Variants in WDPCP observed in about 807,000 individuals in gnomAD.
The protein encoded by WDPCP is WD repeat containing planar cell polarity effector, also known as WD repeat-containing and planar cell polarity effector protein fritz homolog.
In WDPCP, 71 loss-of-function variants were observed where a neutral mutation model predicts 93.1. The ratio of observed to expected loss-of-function variants is 0.76; its 90% CI spans 0.63 to 0.93. WDPCP has a LOEUF of 0.93. Ranked by LOEUF, WDPCP falls within the 40% of genes least tolerant of loss-of-function variation. WDPCP has a pLI of 0.00. For synonymous variants in WDPCP, 315 were observed against 315.0 expected, an observed-to-expected ratio of 1.00 and a Z score of 0.00; for missense variants, 844 against 887.4, an observed-to-expected ratio of 0.95 and a Z score of 0.62.
At chr2:63,715,600 G>C (rs886511135) in intron 2 of WDPCP, among the ~76,000 whole-genome samples, 3 of 152,152 alleles carry the variant, frequency 2.0e-5, no homozygotes, top group African/African-American at 7.2e-5. Flanking sequence ...CAGAGCTTGA[G>C]ATTAAATTTT....
chr2:63,677,328 C>A (rs751727544), intron 2 of WDPCP, among the ~76,000 whole-genome samples: 11 of 152,114 alleles, frequency 7.2e-5, no homozygotes, highest in Non-Finnish European at 1.0e-4. Flanking sequence ...TACATCAAGA[C>A]AAGACTTCAT....
chr2:63,285,715 T>C (rs1039339306), intron 13 of WDPCP, among the ~76,000 whole-genome samples: 1 of 152,288 alleles, frequency 6.6e-6, no homozygotes, highest in East Asian at 1.9e-4. Context: ...TGATGCAAAC[T>C]CTGAAAGAGC....
At chr2:63,537,308 G>A (rs150801537) in intron 1 of WDPCP, among the ~76,000 whole-genome samples, 85 of 152,282 alleles carry the variant, frequency 5.6e-4, no homozygotes, top group African/African-American at 1.9e-3. Context: ...AGTTTATGCT[G>A]ATAATGCCTC....
chr2:63,418,264 A>G (rs1458302447), intron 9 of WDPCP, among the ~76,000 whole-genome samples: 1 of 152,222 alleles, frequency 6.6e-6, no homozygotes, highest in East Asian at 1.9e-4. Context: ...AGGTTGAATT[A>G]CTAGTCAAGA....
intron 2 of WDPCP, among the ~76,000 whole-genome samples, chr2:63,805,268 ATCTCAT>A (rs1670748690): frequency 6.6e-6 from 1 of 152,190 alleles, no homozygotes; most frequent in Non-Finnish European, 1.5e-5. Flanking sequence ...CACCCACTTA[ATCTCAT>A]TTAAGATCAT....
intron 12 of WDPCP, among the ~76,000 whole-genome samples, chr2:63,347,682 G>A (rs114998244): frequency 5.3e-5 from 8 of 151,886 alleles, no homozygotes; most frequent in African/African-American, 1.9e-4. Flanking sequence ...CTGTTTTTGT[G>A]GGGGGGTCAT....
At chr2:63,147,502 AT>A (rs1671597440) in intron 17 of WDPCP, among the ~76,000 whole-genome samples, 3 of 152,192 alleles carry the variant, frequency 2.0e-5, no homozygotes, top group Non-Finnish European at 4.4e-5. Context: ...TGAGGGGAAA[AT>A]GATGAGTTTA....
chr2:63,132,804 C>T (rs1015300434), intron 17 of WDPCP, among the ~76,000 whole-genome samples: 15 of 152,030 alleles, frequency 9.9e-5, no homozygotes, highest in African/African-American at 3.4e-4. Context: ...ATATTTAAAA[C>T]ATTGTTTGAA....
At chr2:63,536,098 A>T (rs1389193247) in intron 1 of WDPCP, among the ~76,000 whole-genome samples, 1 of 152,262 alleles carries the variant, frequency 6.6e-6, no homozygotes, top group African/African-American at 2.4e-5. Context: ...TGCAGCCAAT[A>T]GACACATGAA....
At chr2:63,743,448 C>G (rs140828631) in intron 2 of WDPCP, among the ~76,000 whole-genome samples, 56 of 152,170 alleles carry the variant, frequency 3.7e-4, no homozygotes, top group African/African-American at 1.3e-3. Context: ...GTGACATTAT[C>G]TAAACTTTAG....
intron 1 of WDPCP, among the ~76,000 whole-genome samples, chr2:63,519,989 A>T (rs561698300): frequency 2.6e-5 from 4 of 152,348 alleles, no homozygotes; most frequent in African/African-American, 9.6e-5. Context: ...TAAGATTATA[A>T]TAAAACAATA....
At chr2:63,203,705 T>G (rs1448365323) in intron 14 of WDPCP, among the ~76,000 whole-genome samples, 1 of 152,196 alleles carries the variant, frequency 6.6e-6, no homozygotes, top group Non-Finnish European at 1.5e-5. Context: ...TCAATTATTT[T>G]AATTTTTAGC....
chr2:63,485,918 T>TGTA (rs1458608277), intron 4 of WDPCP, among the ~76,000 whole-genome samples: 3 of 151,810 alleles, frequency 2.0e-5, no homozygotes, highest in Non-Finnish European at 4.4e-5. Context: ...ACAATTTTGA[T>TGTA]GTAGAACGTA....
chr2:63,751,242 T>C (rs940138291), intron 2 of WDPCP, among the ~76,000 whole-genome samples: 2 of 152,198 alleles, frequency 1.3e-5, no homozygotes, highest in Non-Finnish European at 2.9e-5. Context: ...ATTTTTAGTA[T>C]AAAATTTTAG....
intron 2 of WDPCP, among the ~76,000 whole-genome samples, chr2:63,657,898 C>A (rs1710186905): frequency 6.6e-6 from 1 of 152,148 alleles, no homozygotes; most frequent in Non-Finnish European, 1.5e-5. Flanking sequence ...CCTACAACAC[C>A]CAGGCATCTC....
chr2:63,437,308 A>T, intron 8 of WDPCP, 113 bp downstream of exon 8: 3 of 919,342 alleles, frequency 3.3e-6, no homozygotes, highest in Non-Finnish European at 4.7e-6. Context: ...TAATATTTCC[A>T]GTTTTTCTGA....
At chr2:63,489,095 G>A (rs1211247459) in intron 2 of WDPCP, among the ~76,000 whole-genome samples, 1 of 152,082 alleles carries the variant, frequency 6.6e-6, no homozygotes, top group Non-Finnish European at 1.5e-5. Context: ...ATTTACATAT[G>A]GGGGCAACCC....
chr2:63,797,998 C>T (rs1670640916), intron 2 of WDPCP, among the ~76,000 whole-genome samples: 1 of 152,164 alleles, frequency 6.6e-6, no homozygotes, highest in Admixed American at 6.5e-5. Flanking sequence ...TCAGTGGAAA[C>T]CTTACAGGCC....
rs189245764 is a variant in WDPCP, at chr2:63,697,342, G to A, written n.309-46504C>T. On this transcript the variant is annotated intron_variant and non_coding_transcript_variant, in intron 2 of 4. Coordinates refer to the WDPCP transcript ENST00000467687. The stretch of plus-strand genomic sequence containing the variant: ...TAAAGGACACGCCCAAGGGTCACAC[G>A]GTAAGTGATGAGCCAAGATTCAAAT... Among the ~76,000 whole-genome samples, 17 of 152,298 alleles carry A rather than the reference G, an allele frequency of 1.1e-4. No homozygotes were observed. In the East Asian group the frequency reaches 2.5e-3, roughly 22 times the overall value.
Sources: allele counts gnomAD v4.1 joint callset (sites outside exome capture counted in the v4.1 genomes callset), GRCh38; gene constraint gnomAD v4.1.1; transcripts MANE v1.5; gene names NCBI Gene and HGNC (gene_info 2026-07-23, HGNC 2026-07-21).